FARS2: variants seen among roughly 807,000 people sequenced by gnomAD.
The protein encoded by FARS2 is phenylalanyl-tRNA synthetase 2, mitochondrial.
Under a neutral mutation model 46.4 loss-of-function variants are expected in FARS2, and 40 were observed. The observed-to-expected ratio is 0.86, with a 90% CI of 0.67 to 1.12. The LOEUF is 1.12. Among genes scored for constraint, FARS2 ranks in the 50% most tolerant of loss-of-function variants. FARS2 has a pLI of 0.00. For missense variants in FARS2, 513 were observed against 567.9 expected (o/e 0.90, Z 0.98); for synonymous variants, 234 against 214.9 (o/e 1.09, Z -0.78).
chr6:5,445,943 T>C (rs1027162302), intron 4 of FARS2, among the ~76,000 whole-genome samples: 1 of 152,168 alleles, frequency 6.6e-6, no homozygotes, highest in Non-Finnish European at 1.5e-5. Flanking sequence ...CTCACGCCTG[T>C]AATCCCAGCA....
At chr6:5,462,043 A>G (rs1375737656) in intron 4 of FARS2, among the ~76,000 whole-genome samples, 1 of 152,192 alleles carries the variant, frequency 6.6e-6, no homozygotes, top group Non-Finnish European at 1.5e-5. Context: ...TGAGGGTTCT[A>G]GTTTCTCTAC....
chr6:5,734,043 G>A (rs1760799637), intron 6 of FARS2, among the ~76,000 whole-genome samples: 1 of 152,332 alleles, frequency 6.6e-6, no homozygotes, highest in Admixed American at 6.5e-5. Context: ...GGATCCAAGA[G>A]TGCTAAACTG....
At chr6:5,367,300 G>C (rs1758747536) in intron 1 of FARS2, among the ~76,000 whole-genome samples, 1 of 152,198 alleles carries the variant, frequency 6.6e-6, no homozygotes. Context: ...CAGCCACATA[G>C]TTGTATGCTT....
chr6:5,770,945 C>G (rs896398771), intron 6 of FARS2, among the ~76,000 whole-genome samples: 2 of 152,098 alleles, frequency 1.3e-5, no homozygotes, highest in Non-Finnish European at 2.9e-5. Context: ...AGAATCACGT[C>G]GGGAACCGGG....
At chr6:5,706,232 G>C (rs1441978122) in intron 6 of FARS2, among the ~76,000 whole-genome samples, 2 of 152,198 alleles carry the variant, frequency 1.3e-5, no homozygotes, top group African/African-American at 4.8e-5. Flanking sequence ...AACTCAGGTG[G>C]TTATGCTCAC....
intron 3 of FARS2, among the ~76,000 whole-genome samples, chr6:5,419,012 A>G (rs577105487): frequency 2.0e-5 from 3 of 151,306 alleles, no homozygotes; most frequent in East Asian, 2.0e-4. Context: ...CCTTCCTGCA[A>G]TTTTCTATTA....
Position 5,580,305 on chromosome 6 carries a change from A to AG in FARS2, c.1066-32864_1066-32863insG, listed in dbSNP as rs386405997. Among the ~76,000 whole-genome samples the AG allele has an allele frequency of 2.7e-3, 411 of 149,906 alleles. 3 individuals are homozygous for AG. The highest frequency in any genetic ancestry group is 9.6e-3 in the African/African-American group (386 of 40,212). On this transcript the variant is annotated intron_variant, in intron 5 of 6. Coordinates refer to ENST00000274680, the MANE Select transcript of FARS2 (RefSeq NM_006567.5). ...ACTCCGTCTCAAAAAAAAAAAAAAAAAGAGAAGGAGGGAGGGAGGAAGGAA... is the reference window on the plus strand; with the variant it reads ...ACTCCGTCTCAAAAAAAAAAAAAAAAGAGAGAAGGAGGGAGGGAGGAAGGAA...
chr6:5,500,076 T>C (rs1298567260), intron 4 of FARS2, among the ~76,000 whole-genome samples: 1 of 152,208 alleles, frequency 6.6e-6, no homozygotes, highest in Non-Finnish European at 1.5e-5. Flanking sequence ...TATGAAGATA[T>C]AAGTTTTACA....
chr6:5,608,521 T>C (rs1774978485), intron 5 of FARS2, among the ~76,000 whole-genome samples: 1 of 152,196 alleles, frequency 6.6e-6, no homozygotes, highest in African/African-American at 2.4e-5. Context: ...TAGTTTTTTT[T>C]GAGTATTAAA....
Position 5,544,812 on chromosome 6 carries a change from C to G in FARS2, c.905-368C>G, listed in dbSNP as rs867279302. Among the ~76,000 whole-genome samples the G allele has an allele frequency of 7.0e-4, 107 of 152,286 alleles. 1 individual carries two copies. The highest frequency in any genetic ancestry group is 3.4e-3 in the Middle Eastern group (1 of 294). On this transcript the variant is annotated intron_variant, in intron 4 of 6. Coordinates refer to ENST00000274680, the MANE Select transcript of FARS2 (RefSeq NM_006567.5). Reference sequence around the variant, plus strand: ...TACTACACTTAAGGACAGAGACCGTCTTTTCTTTCCACTCTGTAACCTATA... The same window carrying G: ...TACTACACTTAAGGACAGAGACCGTGTTTTCTTTCCACTCTGTAACCTATA...
At chr6:5,760,030 C>G (rs1435369809) in intron 6 of FARS2, among the ~76,000 whole-genome samples, 2 of 152,214 alleles carry the variant, frequency 1.3e-5, no homozygotes, top group Non-Finnish European at 2.9e-5. Context: ...TCCCTTCAAT[C>G]TCTCACTGTT....
At chr6:5,689,134 G>A (rs562958048) in intron 6 of FARS2, among the ~76,000 whole-genome samples, 1 of 151,994 alleles carries the variant, frequency 6.6e-6, no homozygotes, top group African/African-American at 2.4e-5. Context: ...CAATTTTGTT[G>A]ATCTTTTCAA....
intron 6 of FARS2, among the ~76,000 whole-genome samples, chr6:5,713,803 C>T (rs1401172223): frequency 6.6e-6 from 1 of 152,200 alleles, no homozygotes; most frequent in African/African-American, 2.4e-5. Flanking sequence ...TGATTCGGCC[C>T]AGGTGTAACA....
intron 5 of FARS2, among the ~76,000 whole-genome samples, chr6:5,567,061 A>G (rs1417685946): frequency 3.3e-5 from 5 of 152,256 alleles, no homozygotes; most frequent in African/African-American, 9.6e-5. Context: ...TTTACAGTCT[A>G]TAGTCTAAAA....
At chr6:5,587,497 G>A (rs1173803223) in intron 5 of FARS2, among the ~76,000 whole-genome samples, 1 of 152,152 alleles carries the variant, frequency 6.6e-6, no homozygotes, top group East Asian at 1.9e-4. Flanking sequence ...ATAATTACAA[G>A]TTTTCATTCA....
rs528659214 is a variant in FARS2, at chr6:5,407,438, C to T, written c.772+2737C>T. Among the ~76,000 whole-genome samples, 19 of 152,104 alleles carry T rather than the reference C, an allele frequency of 1.2e-4. No homozygotes were observed. The East Asian group carries it at 1.4e-3, about 11-fold the overall frequency. Reference sequence around the variant, plus strand: ...ATATCTTGACTGCCATATTGCCAAACGCATAGTTCATGTAATATATAAGAA... The same window carrying T: ...ATATCTTGACTGCCATATTGCCAAATGCATAGTTCATGTAATATATAAGAA... On this transcript the variant is annotated intron_variant, in intron 3 of 6. Coordinates refer to ENST00000274680, the MANE Select transcript of FARS2 (RefSeq NM_006567.5).
chr6:5,609,255 C>T (rs1775030767), intron 5 of FARS2: 2 of 1,119,322 alleles, frequency 1.8e-6, no homozygotes, highest in Non-Finnish European at 2.7e-6. Context: ...GCCTTAGCTA[C>T]TGCTGCTACT....
At chr6:5,756,785 C>G (rs1254543309) in intron 6 of FARS2, among the ~76,000 whole-genome samples, 1 of 152,190 alleles carries the variant, frequency 6.6e-6, no homozygotes, top group Non-Finnish European at 1.5e-5. Flanking sequence ...CTAAGTCATA[C>G]TATCTGATTA....
chr6:5,500,559 T>A (rs763051681), intron 4 of FARS2, among the ~76,000 whole-genome samples: 3 of 152,092 alleles, frequency 2.0e-5, no homozygotes, highest in Non-Finnish European at 4.4e-5. Flanking sequence ...ACCTTCAGTG[T>A]TTTTCATCAG....
Sources: allele counts gnomAD v4.1 joint callset (sites outside exome capture counted in the v4.1 genomes callset), GRCh38; gene constraint gnomAD v4.1.1; transcripts MANE v1.5; gene names NCBI Gene and HGNC (gene_info 2026-07-23, HGNC 2026-07-21).